LRMDA: variants seen among roughly 807,000 people sequenced by gnomAD.
The protein encoded by LRMDA is leucine-rich melanocyte differentiation-associated protein.
A neutral mutation model predicts 29.8 loss-of-function variants in LRMDA; 18 were observed. The observed-to-expected ratio is 0.60, with a 90% confidence interval of 0.42 to 0.90. LRMDA has a LOEUF of 0.90. Ranked by LOEUF, LRMDA falls within the 40% of genes least tolerant of loss-of-function variation. The pLI is 0.00. For missense variants in LRMDA, 273 were observed against 273.9 expected (o/e 1.00, Z 0.02); for synonymous variants, 125 against 109.4 (o/e 1.14, Z -0.89).
At chr10:76,094,153 G>A (rs1422121264) in intron 5 of LRMDA, among the ~76,000 whole-genome samples, 2 of 152,110 alleles carry the variant, frequency 1.3e-5, no homozygotes, top group African/African-American at 4.8e-5. Flanking sequence ...AGAACCTATA[G>A]GTATGATGAG....
chr10:76,235,185 A>G (rs1293305068), intron 5 of LRMDA, among the ~76,000 whole-genome samples: 3 of 151,544 alleles, frequency 2.0e-5, no homozygotes, highest in Admixed American at 6.6e-5. Flanking sequence ...AAGCCTGGGG[A>G]GAGAGAGAGA....
At chr10:75,979,796 C>G (rs1020928690) in intron 2 of LRMDA, among the ~76,000 whole-genome samples, 3 of 152,120 alleles carry the variant, frequency 2.0e-5, no homozygotes, top group African/African-American at 4.8e-5. Context: ...TCCCTTCCCA[C>G]TCTCAGAACT....
intron 2 of LRMDA, among the ~76,000 whole-genome samples, chr10:75,976,629 G>A (rs1218682206): frequency 6.6e-6 from 1 of 152,182 alleles, no homozygotes. Context: ...ATTTGTCAAA[G>A]TATTACTATT....
rs1014986358 is a variant in LRMDA, at chr10:76,077,865, A to G, written c.516+19082A>G. On this transcript the variant is annotated intron_variant, in intron 5 of 6. Transcript: ENST00000611255. ...TATGAAAATGAAATATCCCAAGCCCACCATTAGTATTCTCAAGCTATGAAA... is the reference window on the plus strand; with the variant it reads ...TATGAAAATGAAATATCCCAAGCCCGCCATTAGTATTCTCAAGCTATGAAA... Among the ~76,000 whole-genome samples, 17 of 152,122 alleles carry G rather than the reference A, an allele frequency of 1.1e-4. No individual in the cohort carries two copies. The East Asian group carries it at 3.1e-3, about 28-fold the overall frequency.
intron 5 of LRMDA, among the ~76,000 whole-genome samples, chr10:76,314,761 C>T (rs1290174964): frequency 6.6e-6 from 1 of 152,174 alleles, no homozygotes; most frequent in Non-Finnish European, 1.5e-5. Context: ...ATAATTACTT[C>T]TTGTAAGCCA....
At chr10:75,885,925 T>G (rs1384354476) in intron 2 of LRMDA, among the ~76,000 whole-genome samples, 1 of 152,220 alleles carries the variant, frequency 6.6e-6, no homozygotes, top group Non-Finnish European at 1.5e-5. Flanking sequence ...AGAAGTTGTT[T>G]GGTATGTTTG....
At chr10:76,298,594 G>A (rs754375174) in intron 5 of LRMDA, among the ~76,000 whole-genome samples, 2 of 152,148 alleles carry the variant, frequency 1.3e-5, no homozygotes, top group Non-Finnish European at 2.9e-5. Context: ...CACCCATGAC[G>A]TGCCGTGCAA....
In LRMDA at chr10:75,444,828, T is replaced by C. The variant is rs74632116; in HGVS notation, c.131+6334T>C. Among the ~76,000 whole-genome samples, 59 of 152,336 alleles carry C rather than the reference T, an allele frequency of 3.9e-4. 1 individual carries two copies. The East Asian group carries it at 0.011, about 28-fold the overall frequency. On this transcript the variant is annotated intron_variant, in intron 2 of 6. Coordinates refer to ENST00000611255, the MANE Select transcript of LRMDA (RefSeq NM_001305581.2). ...AATCACCATTGTTATCATTGTATTG[T>C]CTTCCTAGTCTTTTACAATGCCAAA...
At chr10:75,634,085 G>A (rs1010797908) in intron 2 of LRMDA, among the ~76,000 whole-genome samples, 2 of 152,120 alleles carry the variant, frequency 1.3e-5, no homozygotes, top group African/African-American at 2.4e-5. Flanking sequence ...TATCTTAAGG[G>A]AATTCAAAAT....
At chr10:75,783,991 T>C (rs1167558987) in intron 2 of LRMDA, among the ~76,000 whole-genome samples, 1 of 152,166 alleles carries the variant, frequency 6.6e-6, no homozygotes, top group Non-Finnish European at 1.5e-5. Flanking sequence ...AATACCTAAT[T>C]GCCGAATACT....
chr10:75,808,938 C>A (rs888583772), intron 2 of LRMDA, among the ~76,000 whole-genome samples: 4 of 152,226 alleles, frequency 2.6e-5, no homozygotes, highest in African/African-American at 9.6e-5. Context: ...TGACTCTGCT[C>A]TGCACAGAAG....
rs1849166665 is a variant in LRMDA, at chr10:76,088,075, A to G, written c.516+29292A>G. Among the ~76,000 whole-genome samples the G allele has an allele frequency of 1.3e-5, 2 of 152,194 alleles. 1 individual carries two copies. The highest frequency in any genetic ancestry group is 4.1e-4 in the South Asian group (2 of 4,828). Reference sequence around the variant, plus strand: ...GTTGAGGCTACAGTGAGCCGTGATTATACCACTGCACTCCAGCCTGGGTGA... The same window carrying G: ...GTTGAGGCTACAGTGAGCCGTGATTGTACCACTGCACTCCAGCCTGGGTGA... On this transcript the variant is annotated intron_variant, in intron 5 of 6. Transcript: ENST00000611255.
rs77455859 is a variant in LRMDA, at chr10:76,048,241, C to T, written c.398+938C>T. ...CTATATGTATATGTATGTGTACACA[C>T]ACATTCATGCACTTGTTCATTTATT... On this transcript the variant is annotated intron_variant, in intron 4 of 6. Coordinates refer to ENST00000611255, the MANE Select transcript of LRMDA (RefSeq NM_001305581.2). Among the ~76,000 whole-genome samples the T allele has an allele frequency of 5.3e-3, 813 of 152,216 alleles. 3 individuals are homozygous for T. Among genetic ancestry groups the T allele is most frequent in the Non-Finnish European group, 8.8e-3 (599 of 68,012 alleles).
intron 5 of LRMDA, chr10:76,318,577 T>C (rs953886092): frequency 3.3e-5 from 5 of 152,666 alleles, no homozygotes; most frequent in African/African-American, 1.2e-4. Context: ...GGGATCTTTT[T>C]CTTGGTCTCT....
At chr10:76,384,544 C>G (rs969893342) in intron 6 of LRMDA, among the ~76,000 whole-genome samples, 1 of 152,192 alleles carries the variant, frequency 6.6e-6, no homozygotes, top group East Asian at 1.9e-4. Context: ...TTCATTACCC[C>G]ACAATTGGAC....
intron 2 of LRMDA, among the ~76,000 whole-genome samples, chr10:75,510,045 G>T (rs947444554): frequency 1.3e-5 from 2 of 152,228 alleles, no homozygotes; most frequent in African/African-American, 4.8e-5. Flanking sequence ...CACAGAAGAG[G>T]CAATCAATAA....
At chr10:75,565,294 A>G (rs1214818075) in intron 2 of LRMDA, among the ~76,000 whole-genome samples, 1 of 152,194 alleles carries the variant, frequency 6.6e-6, no homozygotes, top group African/African-American at 2.4e-5. Flanking sequence ...TTTCCATTTA[A>G]AAGCACCAAG....
chr10:75,622,774 C>G (rs1303908150), intron 2 of LRMDA, among the ~76,000 whole-genome samples: 1 of 152,168 alleles, frequency 6.6e-6, no homozygotes, highest in Non-Finnish European at 1.5e-5. Context: ...ATTGCCTACT[C>G]TAATGCTGTG....
At chr10:75,827,430 CTGTT>C (rs1490605483) in intron 2 of LRMDA, among the ~76,000 whole-genome samples, 1 of 152,174 alleles carries the variant, frequency 6.6e-6, no homozygotes, top group Non-Finnish European at 1.5e-5. Context: ...TTGCCATCCT[CTGTT>C]TGTATTTTCT....
Sources: allele counts gnomAD v4.1 joint callset (sites outside exome capture counted in the v4.1 genomes callset), GRCh38; gene constraint gnomAD v4.1.1; transcripts MANE v1.5; gene names NCBI Gene and HGNC (gene_info 2026-07-23, HGNC 2026-07-21).